HS6ST3: variants seen among roughly 807,000 people sequenced by gnomAD.
The protein encoded by HS6ST3 is heparan sulfate 6-O-sulfotransferase 3.
In HS6ST3, 12 loss-of-function variants were observed where a neutral mutation model predicts 36.7. That is an observed-to-expected ratio of 0.33 (90% CI 0.21 to 0.53). HS6ST3 has a LOEUF of 0.53. HS6ST3 is among the 20% of genes least tolerant of loss of function. The pLI is 0.95. For missense variants in HS6ST3, 584 were observed against 640.9 expected (o/e 0.91, Z 0.96); for synonymous variants, 240 against 257.5 (o/e 0.93, Z 0.65).
At chr13:96,211,245 A>G (rs1234088211) in intron 1 of HS6ST3, among the ~76,000 whole-genome samples, 2 of 152,126 alleles carry the variant, frequency 1.3e-5, no homozygotes, top group Admixed American at 1.3e-4. Flanking sequence ...TTCTATGGTT[A>G]TTATCATGGC....
intron 1 of HS6ST3, among the ~76,000 whole-genome samples, chr13:96,571,133 T>C (rs1178436494): frequency 6.6e-6 from 1 of 152,180 alleles, no homozygotes; most frequent in Non-Finnish European, 1.5e-5. Flanking sequence ...AATGGAACAA[T>C]TCAATGAATG....
rs553471660 is a variant in HS6ST3 at position 96,715,799 on chromosome 13, G to A, written c.708-116691G>A. On this transcript the variant is annotated intron_variant, in intron 1 of 1. Transcript: ENST00000376705. ...ATCAAGATTTTTAGTTCCTTTATTG[G>A]TTCATATACAGTTTTAAGAAACATG... Among the ~76,000 whole-genome samples the A allele has an allele frequency of 2.4e-4, 37 of 151,928 alleles. 1 individual carries two copies. The South Asian group carries it at 7.3e-3, about 30-fold the overall frequency.
At chr13:96,102,198 A>T (rs1404324050) in intron 1 of HS6ST3, among the ~76,000 whole-genome samples, 3 of 152,236 alleles carry the variant, frequency 2.0e-5, no homozygotes, top group African/African-American at 7.2e-5. Flanking sequence ...CTATGAATAA[A>T]CATTTCTGTC....
intron 1 of HS6ST3, among the ~76,000 whole-genome samples, chr13:96,140,991 T>C (rs1400897607): frequency 6.6e-6 from 1 of 152,160 alleles, no homozygotes; most frequent in East Asian, 1.9e-4. Context: ...TTCCAGATTT[T>C]CCGAAGAAAA....
intron 1 of HS6ST3, among the ~76,000 whole-genome samples, chr13:96,629,702 T>C (rs1566415522): frequency 6.6e-6 from 1 of 152,226 alleles, no homozygotes; most frequent in East Asian, 1.9e-4. Flanking sequence ...TATCAATATT[T>C]CTAGGTGTGG....
chr13:96,588,937 G>C (rs1484103648), intron 1 of HS6ST3, among the ~76,000 whole-genome samples: 1 of 151,616 alleles, frequency 6.6e-6, no homozygotes, highest in Non-Finnish European at 1.5e-5. Flanking sequence ...TGTATTCCCA[G>C]CTACTCCAGA....
chr13:96,697,032 A>G (rs1875147876), intron 1 of HS6ST3, among the ~76,000 whole-genome samples: 1 of 152,184 alleles, frequency 6.6e-6, no homozygotes, highest in Non-Finnish European at 1.5e-5. Context: ...AAATTCGGGA[A>G]ACAGATCACT....
intron 1 of HS6ST3, among the ~76,000 whole-genome samples, chr13:96,152,482 C>T (rs146205183): frequency 0.019 from 2,881 of 151,918 alleles, 42 homozygotes; most frequent in Non-Finnish European, 0.031. Context: ...GGACTACAGG[C>T]GCCCGCCACC....
At chr13:96,169,300 G>C (rs1173790388) in intron 1 of HS6ST3, among the ~76,000 whole-genome samples, 1 of 151,200 alleles carries the variant, frequency 6.6e-6, no homozygotes, top group African/African-American at 2.4e-5. Flanking sequence ...GGCAAATACT[G>C]CCTTTTCCAT....
chr13:96,278,101 T>G (rs1472738625), intron 1 of HS6ST3, among the ~76,000 whole-genome samples: 1 of 152,158 alleles, frequency 6.6e-6, no homozygotes, highest in African/African-American at 2.4e-5. Context: ...AACTTGCTAT[T>G]TATCTATACT....
At chr13:96,277,932 G>A (rs1273458596) in intron 1 of HS6ST3, among the ~76,000 whole-genome samples, 1 of 152,142 alleles carries the variant, frequency 6.6e-6, no homozygotes, top group East Asian at 1.9e-4. Context: ...AATGACATGA[G>A]CTATACAGAG....
chr13:96,376,486 T>C (rs1299040229), intron 1 of HS6ST3, among the ~76,000 whole-genome samples: 1 of 152,184 alleles, frequency 6.6e-6, no homozygotes, highest in African/African-American at 2.4e-5. Flanking sequence ...TCATATTCTC[T>C]AAGTGGATTG....
At chr13:96,207,066 T>C (rs986419452) in intron 1 of HS6ST3, among the ~76,000 whole-genome samples, 2 of 151,646 alleles carry the variant, frequency 1.3e-5, no homozygotes, top group East Asian at 1.9e-4. Context: ...CCATCTGAGG[T>C]CTAATATCCA....
At chr13:96,129,773 T>A (rs1005102557) in intron 1 of HS6ST3, among the ~76,000 whole-genome samples, 8 of 152,206 alleles carry the variant, frequency 5.3e-5, no homozygotes, top group Non-Finnish European at 1.2e-4. Context: ...GAATCCAGTA[T>A]GACTGGTGAC....
At chr13:96,565,804 C>T (rs1017685660) in intron 1 of HS6ST3, among the ~76,000 whole-genome samples, 3 of 152,036 alleles carry the variant, frequency 2.0e-5, no homozygotes, top group South Asian at 2.1e-4. Context: ...ATAATAAGAT[C>T]CCCCCTACCC....
chr13:96,725,755 T>C (rs1397048017), intron 1 of HS6ST3, among the ~76,000 whole-genome samples: 1 of 152,184 alleles, frequency 6.6e-6, no homozygotes, highest in Non-Finnish European at 1.5e-5. Flanking sequence ...TATTCTGTTC[T>C]CTTAATATAT....
At chr13:96,327,675 T>A (rs561951282) in intron 1 of HS6ST3, among the ~76,000 whole-genome samples, 3 of 151,818 alleles carry the variant, frequency 2.0e-5, no homozygotes, top group Admixed American at 6.6e-5. Context: ...TCTTTTTTGG[T>A]TCCATATGAA....
At chr13:96,216,576 C>T (rs766927393) in intron 1 of HS6ST3, among the ~76,000 whole-genome samples, 1 of 152,156 alleles carries the variant, frequency 6.6e-6, no homozygotes, top group Non-Finnish European at 1.5e-5. Flanking sequence ...TGGATTAGTG[C>T]AAGCTGAAGT....
chr13:96,455,643 A>T (rs7325236), intron 1 of HS6ST3, among the ~76,000 whole-genome samples: 1 of 152,150 alleles, frequency 6.6e-6, no homozygotes, highest in Non-Finnish European at 1.5e-5. Flanking sequence ...AAAGGCAATT[A>T]GGCAAAAATT....
Sources: gnomAD v4.1 joint callset for allele counts (sites outside exome capture counted in the v4.1 genomes callset) on GRCh38, gnomAD v4.1.1 for gene constraint, MANE v1.5 for transcripts, NCBI Gene and HGNC (gene_info 2026-07-23, HGNC 2026-07-21) for gene names.